Variants in MARCHF1 observed in about 807,000 individuals in gnomAD.
MARCHF1 encodes E3 ubiquitin-protein ligase MARCHF1.
MARCHF1 carries 40 observed loss-of-function variants against 54.2 expected under a neutral mutation model. The observed-to-expected ratio is 0.74, with a 90% confidence interval of 0.57 to 0.96. The LOEUF is 0.96. MARCHF1 is among the 40% of genes least tolerant of loss of function. The probability of loss-of-function intolerance (pLI) is 0.00; values close to 1 mark genes in which losing one functional copy is unlikely to be tolerated. For synonymous variants in MARCHF1, 236 were observed against 236.3 expected (o/e 1.00, Z 0.01); for missense variants, 586 against 656.5 (o/e 0.89, Z 1.17).
chr4:164,132,432 C>T (rs1342350902), intron 1 of MARCHF1, among the ~76,000 whole-genome samples: 1 of 152,134 alleles, frequency 6.6e-6, no homozygotes, highest in Non-Finnish European at 1.5e-5. Context: ...TCATGGTTGA[C>T]ATTGTTGGCA....
intron 2 of MARCHF1, among the ~76,000 whole-genome samples, chr4:164,010,869 A>G (rs1275504540): frequency 6.6e-6 from 1 of 152,192 alleles, no homozygotes; most frequent in Non-Finnish European, 1.5e-5. Context: ...AAAATTTACT[A>G]CAAAGCTGTA....
intron 2 of MARCHF1, among the ~76,000 whole-genome samples, chr4:164,026,397 A>G (rs763867327): frequency 1.3e-5 from 2 of 152,152 alleles, no homozygotes; most frequent in Non-Finnish European, 2.9e-5. Flanking sequence ...CAATCAGGTA[A>G]ACTTGCTTCC....
intron 5 of MARCHF1, among the ~76,000 whole-genome samples, chr4:163,684,161 G>A (rs1372715978): frequency 6.6e-6 from 1 of 152,158 alleles, no homozygotes; most frequent in Non-Finnish European, 1.5e-5. Flanking sequence ...GTTGGTCAAG[G>A]AAGTAGCAAA....
chr4:164,262,630 T>C (rs142488975), intron 1 of MARCHF1, among the ~76,000 whole-genome samples: 1,757 of 152,332 alleles, frequency 0.012, 35 homozygotes, highest in African/African-American at 0.04. Context: ...GCTCAAGTGA[T>C]GGGCTGAAGT....
intron 2 of MARCHF1, among the ~76,000 whole-genome samples, chr4:164,060,208 C>A (rs1354850434): frequency 6.6e-6 from 1 of 151,802 alleles, no homozygotes; most frequent in African/African-American, 2.4e-5. Flanking sequence ...AATTTTTATA[C>A]CATATTGAGA....
intron 2 of MARCHF1, among the ~76,000 whole-genome samples, chr4:164,093,568 C>G (rs1182401721): frequency 6.6e-6 from 1 of 152,082 alleles, no homozygotes; most frequent in Non-Finnish European, 1.5e-5. Flanking sequence ...CCCAGATTCT[C>G]TTGGTTAAGT....
chr4:163,937,973 T>C (rs374077330), intron 3 of MARCHF1, among the ~76,000 whole-genome samples: 1 of 152,226 alleles, frequency 6.6e-6, no homozygotes, highest in South Asian at 2.1e-4. Flanking sequence ...ACAGAACATA[T>C]TGGTCAATGG....
intron 8 of MARCHF1, among the ~76,000 whole-genome samples, chr4:163,580,466 G>A (rs73870609): frequency 0.091 from 13,797 of 152,078 alleles, 1,085 homozygotes; most frequent in African/African-American, 0.2. Context: ...TGTTGAATAA[G>A]GACTATTGGA....
At chr4:163,808,410 G>C (rs777497587) in intron 4 of MARCHF1, among the ~76,000 whole-genome samples, 17 of 152,112 alleles carry the variant, frequency 1.1e-4, no homozygotes, top group Non-Finnish European at 2.1e-4. Context: ...TCAAATGTAA[G>C]TTAAAATGCC....
At chr4:163,877,119 T>C (rs1750306479) in intron 3 of MARCHF1, among the ~76,000 whole-genome samples, 1 of 152,174 alleles carries the variant, frequency 6.6e-6, no homozygotes, top group African/African-American at 2.4e-5. Flanking sequence ...ATGGAAACCG[T>C]GTTCAGAACT....
At chr4:163,800,813 C>G (rs539594223) in intron 4 of MARCHF1, among the ~76,000 whole-genome samples, 1 of 152,028 alleles carries the variant, frequency 6.6e-6, no homozygotes, top group African/African-American at 2.4e-5. Flanking sequence ...AGGAAAAAAT[C>G]ATTGTAAACT....
intron 5 of MARCHF1, among the ~76,000 whole-genome samples, chr4:163,632,534 C>G (rs560666327): frequency 6.6e-4 from 100 of 152,350 alleles, no homozygotes; most frequent in African/African-American, 2.4e-3. Context: ...CTGCGCTTTT[C>G]CGACGGGCTT....
chr4:163,638,034 T>C (rs1405985085), intron 5 of MARCHF1, among the ~76,000 whole-genome samples: 10 of 142,430 alleles, frequency 7.0e-5, no homozygotes, highest in African/African-American at 2.4e-4. Flanking sequence ...TAGGTGGGAA[T>C]TGAACAATGA....
intron 1 of MARCHF1, among the ~76,000 whole-genome samples, chr4:164,148,888 T>C (rs1212715121): frequency 1.3e-5 from 2 of 152,146 alleles, no homozygotes; most frequent in African/African-American, 4.8e-5. Context: ...ATATTTAATT[T>C]CCTGTAGGCA....
At chr4:163,735,649 G>A (rs1579241469) in intron 4 of MARCHF1, among the ~76,000 whole-genome samples, 1 of 152,098 alleles carries the variant, frequency 6.6e-6, no homozygotes, top group Non-Finnish European at 1.5e-5. Flanking sequence ...AGCCCTTATG[G>A]CCTAATCACC....
At chr4:164,075,600 G>T (rs1754960591) in intron 2 of MARCHF1, among the ~76,000 whole-genome samples, 2 of 152,202 alleles carry the variant, frequency 1.3e-5, no homozygotes, top group Non-Finnish European at 2.9e-5. Context: ...GTGGTCGTTT[G>T]TTACATGGCA....
At chr4:164,161,542 TCATCAGCAG>T (rs913163406) in intron 1 of MARCHF1, among the ~76,000 whole-genome samples, 5 of 151,182 alleles carry the variant, frequency 3.3e-5, no homozygotes, top group African/African-American at 7.3e-5. Context: ...ATCATCATCA[TCATCAGCAG>T]CAGCAGCAGC....
rs186760586 is a variant in MARCHF1, at chr4:163,949,375, G to T, written c.-39+39126C>A. Among the ~76,000 whole-genome samples the T allele has an allele frequency of 4.1e-3, 627 of 152,288 alleles. 1 individual carries two copies. Among genetic ancestry groups the T allele is most frequent in the Non-Finnish European group, 6.5e-3 (439 of 68,026 alleles). ...CAGGAACTGCAAAGCCCCAAAGAGG[G>T]TGTCACAGCCCTGGCTCGTGAAGCT... is the stretch of plus-strand genomic sequence containing the variant. On this transcript the variant is annotated intron_variant, in intron 3 of 9. Coordinates refer to ENST00000514618, the MANE Select transcript of MARCHF1 (RefSeq NM_001394959.1).
In MARCHF1 at chr4:164,048,150, TATC is replaced by T. The variant is rs1477767185; in HGVS notation, c.-247-59444_-247-59442del. ...TTTTCTATTGGATATGATATTCCCTTATCATGTGAACAATATATTACTTTTCAA... is the reference window on the plus strand; with the variant it reads ...TTTTCTATTGGATATGATATTCCCTTATGTGAACAATATATTACTTTTCAA... On this transcript the variant is annotated intron_variant, in intron 2 of 9. Transcript: ENST00000514618. 5.9e-5 allele frequency among the ~76,000 whole-genome samples: 9 copies of T among 152,306 alleles called. No homozygotes were observed. The East Asian group carries it at 1.7e-3, about 29-fold the overall frequency.
Sources: allele counts gnomAD v4.1 joint callset (sites outside exome capture counted in the v4.1 genomes callset), GRCh38; gene constraint gnomAD v4.1.1; transcripts MANE v1.5; gene names NCBI Gene and HGNC (gene_info 2026-07-23, HGNC 2026-07-21).